CDCP2: variants seen among roughly 807,000 people sequenced by gnomAD.
CDCP2 encodes the protein CUB domain containing protein 2.
In CDCP2, 31 loss-of-function variants were observed where a neutral mutation model predicts 31.0. The ratio of observed to expected loss-of-function variants is 1.00; its 90% confidence interval spans 0.75 to 1.35. The LOEUF (loss-of-function observed/expected upper bound fraction) is 1.35. Among genes scored for constraint, CDCP2 ranks in the 40% most tolerant of loss-of-function variants. The pLI is 0.00. For synonymous variants in CDCP2, 206 were observed against 207.9 expected, an observed-to-expected ratio of 0.99 and a Z score of 0.08; for missense variants, 443 against 482.6, an observed-to-expected ratio of 0.92 and a Z score of 0.77.
intron 5 of CDCP2, among the ~76,000 whole-genome samples, chr1:54,136,401 A>G (rs1378686435): frequency 6.6e-6 from 1 of 152,106 alleles, no homozygotes; most frequent in African/African-American, 2.4e-5. Flanking sequence ...AAAGGAAGAG[A>G]GCTGGGAACC....
At chr1:54,133,068 C>G (rs1483934126) in exon 6 of CDCP2, 1 of 399,110 alleles carries the variant, frequency 2.5e-6, no homozygotes, top group African/African-American at 2.1e-5. Flanking sequence ...GGCCACCATG[C>G]TCACTGGGCC....
exon 4 of CDCP2, chr1:54,139,955 CTCCAGG>C: frequency 6.2e-7 from 1 of 1,614,208 alleles, no homozygotes. Flanking sequence ...TGTTGGGCTC[CTCCAGG>C]TCCAGGTCCA....
At chr1:54,144,564 G>A (rs774020216) in exon 2 of CDCP2, 3 of 1,613,874 alleles carry the variant, frequency 1.9e-6, no homozygotes, top group Non-Finnish European at 1.7e-6. Flanking sequence ...GGGCGGCGGG[G>A]GCACCTTGCC....
At chr1:54,152,666 G>A (rs543178829) in intron 1 of CDCP2, among the ~76,000 whole-genome samples, 178 bp downstream of exon 1, 74 of 152,266 alleles carry the variant, frequency 4.9e-4, no homozygotes, top group Non-Finnish European at 5.6e-4. Context: ...TGCAACACAC[G>A]GCAGGCACTC....
rs139589631 is a variant in CDCP2, at chr1:54,148,155, G to C, written c.80-3342C>G. ...GGTAAAACATGATTTGGTTATACAG[G>C]CATTCCCTGTAAAATTCTTTCAACT... On this transcript the variant is annotated intron_variant, in intron 1 of 5. Transcript: ENST00000530059. Among the ~76,000 whole-genome samples, 645 of 151,738 alleles carry C rather than the reference G, an allele frequency of 4.3e-3. 23 individuals carry two copies. The highest frequency in any genetic ancestry group is 0.014 in the African/African-American group (594 of 41,134).
chr1:54,139,698 G>A (rs764046009), intron 4 of CDCP2, 55 bp downstream of exon 4: 4 of 1,614,218 alleles, frequency 2.5e-6, no homozygotes, highest in Non-Finnish European at 3.4e-6. Flanking sequence ...CAAAGACTGA[G>A]GCTGCAAAGC....
chr1:54,133,896 A>AAAAC (rs1659212517), intron 5 of CDCP2, among the ~76,000 whole-genome samples: 1 of 147,030 alleles, frequency 6.8e-6, no homozygotes, highest in Non-Finnish European at 1.5e-5. Flanking sequence ...ACTCCATCTC[A>AAAAC]AAAACAAACA....
chr1:54,142,779 C>A (rs910399277), intron 2 of CDCP2: 8 of 152,226 alleles, frequency 5.3e-5, no homozygotes, highest in Admixed American at 6.5e-5. Flanking sequence ...CCTTCCAACA[C>A]TAACAACCTT....
intron 1 of CDCP2, among the ~76,000 whole-genome samples, chr1:54,148,155 G>T (rs139589631): frequency 2.0e-5 from 3 of 151,624 alleles, no homozygotes; most frequent in Non-Finnish European, 4.4e-5. Flanking sequence ...GGTTATACAG[G>T]CATTCCCTGT....
chr1:54,142,522 C>T (rs917938498), intron 2 of CDCP2: 1 of 152,256 alleles, frequency 6.6e-6, no homozygotes, highest in Non-Finnish European at 1.5e-5. Flanking sequence ...TACAACTACA[C>T]GGCAAGTGTG....
intron 1 of CDCP2, among the ~76,000 whole-genome samples, chr1:54,148,972 A>ATAT (rs940024678): frequency 0.015 from 2,182 of 143,510 alleles, 33 homozygotes; most frequent in South Asian, 0.045. Context: ...GTTTAAAAAA[A>ATAT]AAATATATAT....
At chr1:54,134,578 G>A (rs972837344) in intron 5 of CDCP2, among the ~76,000 whole-genome samples, 1 of 152,198 alleles carries the variant, frequency 6.6e-6, no homozygotes, top group African/African-American at 2.4e-5. Context: ...GCACTCCTGA[G>A]AGGACGCTTC....
At chr1:54,141,533 T>C in intron 2 of CDCP2, 100 bp from the exon 3 acceptor site, 1 of 1,029,374 alleles carries the variant, frequency 9.7e-7, no homozygotes, top group Non-Finnish European at 1.4e-6. Flanking sequence ...CCCACAGGTA[T>C]CTCATTAGGG....
rs982119339 is a variant in CDCP2, at chr1:54,149,399, C to T, written c.79+3445G>A. 2.0e-5 allele frequency among the ~76,000 whole-genome samples: 3 copies of T among 150,428 alleles called. No individual in the cohort carries two copies. The South Asian group carries it at 6.2e-4, about 31-fold the overall frequency. On this transcript the variant is annotated intron_variant, in intron 1 of 5. Coordinates refer to ENST00000530059, the Ensembl canonical transcript of CDCP2. ...TTTCTCCACACCTCCCAGAATGGGG[C>T]TGGGGTGGGATAAAAGAAACAAGAA...
rs906122365 is a variant in CDCP2, at chr1:54,152,230, G to A, written c.79+614C>T. On this transcript the variant is annotated intron_variant, in intron 1 of 5. Transcript: ENST00000530059. Reference sequence around the variant, plus strand: ...TGTAATCCCAGCACTTTGGGAGGCCGAGGCAGGTGGATCATCTGAGGTTAG... The same window carrying A: ...TGTAATCCCAGCACTTTGGGAGGCCAAGGCAGGTGGATCATCTGAGGTTAG... 3.9e-5 allele frequency among the ~76,000 whole-genome samples: 6 copies of A among 152,156 alleles called. No homozygotes were observed. The South Asian group carries it at 1.2e-3, about 32-fold the overall frequency.
At chr1:54,139,871 C>G (rs1403970927) in exon 4 of CDCP2, 1 of 1,614,040 alleles carries the variant, frequency 6.2e-7, no homozygotes, top group Middle Eastern at 1.6e-4. Context: ...CACACCAATT[C>G]CCCAGCAGGG....
intron 1 of CDCP2, among the ~76,000 whole-genome samples, chr1:54,148,965 TA>T (rs57570905): frequency 0.032 from 3,796 of 119,984 alleles, 238 homozygotes; most frequent in African/African-American, 0.11. Context: ...ATGAATTGTT[TA>T]AAAAAAAAAT....
At chr1:54,139,450 A>C in intron 4 of CDCP2, 1 of 1,258,712 alleles carries the variant, frequency 7.9e-7, no homozygotes. Context: ...CAGGGGACCA[A>C]TAACAACACA....
chr1:54,133,914 A>AAACAAACAAACAAAC lies in CDCP2; in HGVS notation c.1297-621_1297-620insGTTTGTTTGTTTGTT, dbSNP rs1275262427. ...CCATCTCAAAAACAAACAAACAAAC[A>AAACAAACAAACAAAC]AAAAAAACCCCATGTTACAGAGGAG... On this transcript the variant is annotated intron_variant, in intron 5 of 5. Coordinates refer to ENST00000530059, the Ensembl canonical transcript of CDCP2. Among the ~76,000 whole-genome samples, 195 of 147,812 alleles carry AAACAAACAAACAAAC rather than the reference A, an allele frequency of 1.3e-3. 4 individuals carry two copies. The highest frequency in any genetic ancestry group is 2.7e-3 in the African/African-American group (108 of 40,260).
Sources: gnomAD v4.1 joint callset for allele counts (sites outside exome capture counted in the v4.1 genomes callset) on GRCh38, gnomAD v4.1.1 for gene constraint, MANE v1.5 for transcripts, NCBI Gene and HGNC (gene_info 2026-07-23, HGNC 2026-07-21) for gene names.